CDKAL1: variants seen among roughly 807,000 people sequenced by gnomAD.
The protein encoded by CDKAL1 is CDKAL1 threonylcarbamoyladenosine tRNA methylthiotransferase, also known as threonylcarbamoyladenosine tRNA methylthiotransferase.
In CDKAL1, 32 loss-of-function variants were observed where a neutral mutation model predicts 68.2. The ratio of observed to expected loss-of-function variants is 0.47; its 90% CI spans 0.35 to 0.63. The LOEUF (loss-of-function observed/expected upper bound fraction) is 0.63. Ranked by LOEUF, CDKAL1 falls within the 30% of genes least tolerant of loss-of-function variation. The pLI, the probability that CDKAL1 is intolerant of heterozygous loss-of-function variation, is 0.00. For missense variants in CDKAL1, 606 were observed against 696.7 expected (o/e 0.87, Z 1.47); for synonymous variants, 234 against 244.3 (o/e 0.96, Z 0.39).
At chr6:20,991,871 A>G (rs1227015304) in intron 10 of CDKAL1, among the ~76,000 whole-genome samples, 5 of 151,314 alleles carry the variant, frequency 3.3e-5, no homozygotes, top group Admixed American at 2.0e-4. Flanking sequence ...AAAAAAGTTT[A>G]AAATGGTAAA....
intron 8 of CDKAL1, among the ~76,000 whole-genome samples, chr6:20,838,379 A>G (rs1427370583): frequency 3.3e-5 from 5 of 152,184 alleles, no homozygotes; most frequent in Admixed American, 2.0e-4. Context: ...CCAGGTGTCT[A>G]TGTCACAAAC....
Position 20,610,967 on chromosome 6 carries a change from G to A in CDKAL1, c.287-38326G>A, listed in dbSNP as rs115717428. On this transcript the variant is annotated intron_variant, in intron 4 of 15. Coordinates refer to ENST00000274695, the MANE Select transcript of CDKAL1 (RefSeq NM_017774.3). Reference sequence around the variant, plus strand: ...TTGGACTACAGGTGCACACCACCACGCCTGACTAGAATGGGTCTAAATGTT... The same window carrying A: ...TTGGACTACAGGTGCACACCACCACACCTGACTAGAATGGGTCTAAATGTT... Among the ~76,000 whole-genome samples the A allele has an allele frequency of 3.6e-3, 552 of 152,166 alleles. 1 individual carries two copies. The highest frequency in any genetic ancestry group is 0.013 in the African/African-American group (526 of 41,522).
chr6:20,927,950 T>G lies in CDKAL1; in HGVS notation c.743-27469T>G, dbSNP rs142003519. Among the ~76,000 whole-genome samples the G allele has an allele frequency of 8.5e-5, 13 of 152,362 alleles. No individual in the cohort carries two copies. The East Asian group carries it at 2.5e-3, about 29-fold the overall frequency. ...CTTCATTATCATTTGATAATTGAGA[T>G]GTTTCTTAAACAGTCTTACTCTGTT... On this transcript the variant is annotated intron_variant, in intron 9 of 15. Coordinates refer to ENST00000274695, the MANE Select transcript of CDKAL1 (RefSeq NM_017774.3).
At chr6:20,913,105 C>T (rs1303305975) in intron 9 of CDKAL1, among the ~76,000 whole-genome samples, 2 of 133,650 alleles carry the variant, frequency 1.5e-5, no homozygotes, top group South Asian at 2.4e-4. Flanking sequence ...AACCATTGAA[C>T]CACAGTTGTT....
At chr6:20,638,474 T>A (rs1172090003) in intron 4 of CDKAL1, among the ~76,000 whole-genome samples, 1 of 152,202 alleles carries the variant, frequency 6.6e-6, no homozygotes. Flanking sequence ...GCTTGTAAGA[T>A]GGGCCTGGTG....
chr6:20,868,898 A>G (rs1167400677), intron 9 of CDKAL1, among the ~76,000 whole-genome samples: 2 of 152,232 alleles, frequency 1.3e-5, no homozygotes, highest in African/African-American at 4.8e-5. Context: ...CAGTGCACAT[A>G]GTAATGGCCA....
chr6:20,826,896 A>G (rs1020608926), intron 8 of CDKAL1, among the ~76,000 whole-genome samples: 3 of 152,122 alleles, frequency 2.0e-5, no homozygotes, highest in Non-Finnish European at 4.4e-5. Flanking sequence ...ACTTAAGATA[A>G]TTGGCCATTA....
At chr6:21,082,874 G>GTTTT (rs71540612) in intron 12 of CDKAL1, among the ~76,000 whole-genome samples, 2 of 129,172 alleles carry the variant, frequency 1.5e-5, no homozygotes, top group Admixed American at 8.1e-5. Context: ...TGTTTCTTTT[G>GTTTT]TTTTTTTTTT....
intron 13 of CDKAL1, among the ~76,000 whole-genome samples, chr6:21,149,081 G>A (rs1776296497): frequency 6.6e-6 from 1 of 152,134 alleles, no homozygotes; most frequent in African/African-American, 2.4e-5. Context: ...GAAGCTTACT[G>A]TCAGTAAACA....
chr6:21,155,623 C>A (rs1480649736), intron 13 of CDKAL1, among the ~76,000 whole-genome samples: 1 of 152,134 alleles, frequency 6.6e-6, no homozygotes, highest in African/African-American at 2.4e-5. Flanking sequence ...GTGCCTAGCA[C>A]GTATAGAAGG....
chr6:20,953,152 A>G (rs947810457), intron 9 of CDKAL1, among the ~76,000 whole-genome samples: 6 of 152,110 alleles, frequency 3.9e-5, no homozygotes, highest in Non-Finnish European at 7.3e-5. Context: ...CATTGTTCCT[A>G]TTGTTGCTGA....
At chr6:20,829,276 CTG>C (rs1178772099) in intron 8 of CDKAL1, among the ~76,000 whole-genome samples, 2 of 152,216 alleles carry the variant, frequency 1.3e-5, no homozygotes, top group African/African-American at 4.8e-5. Context: ...AGCTGCCACA[CTG>C]TTTTCCTCAG....
At chr6:20,758,212 C>A (rs1774309522) in intron 6 of CDKAL1, among the ~76,000 whole-genome samples, 1 of 152,068 alleles carries the variant, frequency 6.6e-6, no homozygotes, top group African/African-American at 2.4e-5. Context: ...CTAGCATGTT[C>A]TTTTTGTGTA....
chr6:21,230,693 T>C (rs1386794600), intron 15 of CDKAL1, among the ~76,000 whole-genome samples, 155 bp from the exon 16 acceptor site: 3 of 152,014 alleles, frequency 2.0e-5, no homozygotes, highest in Non-Finnish European at 4.4e-5. Flanking sequence ...ATACCTACCT[T>C]GGGGCCACCT....
intron 13 of CDKAL1, among the ~76,000 whole-genome samples, chr6:21,195,427 T>C (rs1341262227): frequency 2.6e-5 from 4 of 152,094 alleles, no homozygotes; most frequent in African/African-American, 9.7e-5. Flanking sequence ...CCTCCCAAGG[T>C]GCTGGGATTA....
intron 7 of CDKAL1, among the ~76,000 whole-genome samples, chr6:20,759,206 T>A (rs768327075): frequency 6.5e-4 from 99 of 152,152 alleles, no homozygotes; most frequent in Non-Finnish European, 1.1e-3. Flanking sequence ...GTAAAATGAA[T>A]TTAGTTTGAA....
At chr6:21,026,462 G>C (rs1315396726) in intron 11 of CDKAL1, among the ~76,000 whole-genome samples, 2 of 152,126 alleles carry the variant, frequency 1.3e-5, no homozygotes, top group African/African-American at 4.8e-5. Context: ...GAGAAGACTA[G>C]ATTAAAGAAA....
intron 8 of CDKAL1, among the ~76,000 whole-genome samples, chr6:20,825,775 A>T (rs1235221805): frequency 6.6e-6 from 1 of 152,134 alleles, no homozygotes; most frequent in Non-Finnish European, 1.5e-5. Flanking sequence ...TATTGATATT[A>T]ACCCGTTGAT....
chr6:20,910,863 A>G (rs1049152365), intron 9 of CDKAL1, among the ~76,000 whole-genome samples: 3 of 152,216 alleles, frequency 2.0e-5, no homozygotes, highest in Non-Finnish European at 4.4e-5. Flanking sequence ...TCATGTGAAC[A>G]TGAAGGCAGT....
Sources: gnomAD v4.1 joint callset for allele counts (sites outside exome capture counted in the v4.1 genomes callset) on GRCh38, gnomAD v4.1.1 for gene constraint, MANE v1.5 for transcripts, NCBI Gene and HGNC (gene_info 2026-07-23, HGNC 2026-07-21) for gene names.